The following ZZEF1 variants were observed in gnomAD, a reference collection of about 807,000 sequenced individuals.
ZZEF1 encodes the protein zinc finger ZZ-type and EF-hand domain containing 1, also known as zinc finger ZZ-type and EF-hand domain-containing protein 1.
Under a neutral mutation model 342.8 loss-of-function variants are expected in ZZEF1, and 157 were observed. The ratio of observed to expected loss-of-function variants is 0.46; its 90% confidence interval spans 0.40 to 0.52. The LOEUF is 0.52. Among genes scored for constraint, ZZEF1 ranks in the 20% least tolerant of loss-of-function variants. ZZEF1 has a pLI of 0.00. For missense variants in ZZEF1, 3,480 were observed against 3,725.6 expected (o/e 0.93, Z 1.72); for synonymous variants, 1,505 against 1,429.1 (o/e 1.05, Z -1.20).
chr17:4,057,943 G>A lies in ZZEF1; in HGVS notation c.5165+51C>T, dbSNP rs146972722. The stretch of plus-strand genomic sequence containing the variant: ...TCTTAACGCCCCCACTATGTTCCTT[G>A]CGTTTCATAACCTACATTAGGAACT... On this transcript the variant is annotated intron_variant, in intron 32 of 54. Coordinates refer to ENST00000381638, the MANE Select transcript of ZZEF1 (RefSeq NM_015113.4). 3.4e-4 allele frequency: 542 copies of A among 1,571,838 alleles called. 4 individuals are homozygous for A. The African/African-American group carries it at 6.1e-3, about 18-fold the overall frequency.
Position 4,014,383 on chromosome 17 carries a change from C to A in ZZEF1, c.8278G>T (p.Gly2760Trp). 1 of 1,614,214 alleles carries A rather than the reference C, an allele frequency of 6.2e-7. No homozygotes were observed. Among genetic ancestry groups the A allele is most frequent in the Non-Finnish European group, 8.5e-7 (1 of 1,180,044 alleles). ...DFQQDRHSFSGSQQKWKDFEL... is the reference protein window; with the variant it reads ...DFQQDRHSFSWSQQKWKDFEL... ...AAATCTTTCCACTTCTGCTGAGACCCGCTGAAGCTGTGTCGGTCTTGCTGG... is the reference window on the plus strand; with the variant it reads ...AAATCTTTCCACTTCTGCTGAGACCAGCTGAAGCTGTGTCGGTCTTGCTGG... Residue 2760 changes from glycine to tryptophan, a missense_variant, in exon 50 of 55, where the codon GGG (glycine) becomes TGG (tryptophan). By Grantham distance (184) the Gly-to-Trp change is radical. Transcript: ENST00000381638. This position sits in a 1 kb window ranked among gnomAD's most constrained non-coding sequence, Gnocchi z 4.4.
chr17:4,066,334 C>T, intron 28 of ZZEF1, 113 bp downstream of exon 28: 1 of 871,068 alleles, frequency 1.1e-6, no homozygotes, highest in South Asian at 1.5e-5. Context: ...TGTTACTTTC[C>T]CTAGGTCAAC....
At chr17:4,140,397 C>T (rs538016070) in intron 1 of ZZEF1, among the ~76,000 whole-genome samples, 2 of 152,314 alleles carry the variant, frequency 1.3e-5, no homozygotes, top group South Asian at 4.1e-4. Flanking sequence ...GTAAGTCTTG[C>T]TTGAGCCCCA....
In ZZEF1 at chr17:4,008,997, C is replaced by T. The variant is rs951795652; in HGVS notation, c.8734-43G>A. 4.2e-5 allele frequency: 65 copies of T among 1,534,096 alleles called. No homozygotes were observed. The highest frequency in any genetic ancestry group is 5.2e-5 in the Non-Finnish European group (59 of 1,144,734). ...GGGCTGTGAGTGACAGCGCCAGATG[C>T]GCAGTGCAGCTCTCCCAGACCACCT... On this transcript the variant is annotated intron_variant, in intron 53 of 54. Coordinates refer to ENST00000381638, the MANE Select transcript of ZZEF1 (RefSeq NM_015113.4). The surrounding 1 kb of genome is among the most constrained non-coding windows in gnomAD (Gnocchi z 4.2).
intron 39 of ZZEF1, among the ~76,000 whole-genome samples, chr17:4,037,565 C>A (rs2056700792): frequency 6.6e-6 from 1 of 152,136 alleles, no homozygotes; most frequent in Non-Finnish European, 1.5e-5. Flanking sequence ...CAAACTGCTA[C>A]ACGTTCATTC....
At chr17:4,112,302 C>T (rs547154011) in intron 5 of ZZEF1, among the ~76,000 whole-genome samples, 15 of 150,916 alleles carry the variant, frequency 9.9e-5, no homozygotes, top group African/African-American at 2.7e-4. Flanking sequence ...CCCACCCCCA[C>T]GCCTGGATAA....
In ZZEF1 at chr17:4,023,201, C is replaced by T. The variant is rs577782309; in HGVS notation, c.7093-373G>A. On this transcript the variant is annotated intron_variant, in intron 43 of 54. Coordinates refer to ENST00000381638, the MANE Select transcript of ZZEF1 (RefSeq NM_015113.4). Reference sequence around the variant, plus strand: ...ACTCACTCCGCGTGTAATGCTCTGTCCAGTTTTCCCAAAGCTGACTCCTTA... The same window carrying T: ...ACTCACTCCGCGTGTAATGCTCTGTTCAGTTTTCCCAAAGCTGACTCCTTA... 5.5e-4 allele frequency among the ~76,000 whole-genome samples: 83 copies of T among 152,258 alleles called. 1 individual carries two copies. The highest frequency in any genetic ancestry group is 2.0e-3 in the African/African-American group (82 of 41,542).
chr17:4,052,495 C>A (rs2057070774), intron 34 of ZZEF1, among the ~76,000 whole-genome samples: 1 of 152,272 alleles, frequency 6.6e-6, no homozygotes, highest in East Asian at 1.9e-4. Flanking sequence ...GAGGACTGAT[C>A]AGGATATTTG....
chr17:4,112,468 A>T, intron 5 of ZZEF1, 141 bp downstream of exon 5: 1 of 908,614 alleles, frequency 1.1e-6, no homozygotes, highest in South Asian at 1.5e-5. Flanking sequence ...TTTCTACAAC[A>T]CTTAATGAAT....
chr17:4,024,417 T>G (rs571650921), intron 43 of ZZEF1, among the ~76,000 whole-genome samples: 1 of 152,196 alleles, frequency 6.6e-6, no homozygotes, highest in African/African-American at 2.4e-5. Flanking sequence ...CAGGCTGGTC[T>G]TGAACTCCTG....
chr17:4,127,406 A>G (rs1442652261), intron 1 of ZZEF1, among the ~76,000 whole-genome samples: 1 of 152,240 alleles, frequency 6.6e-6, no homozygotes, highest in Non-Finnish European at 1.5e-5. Flanking sequence ...GTAGAGATAC[A>G]TAATGAAATA....
In ZZEF1 at chr17:4,047,753, T is replaced by C. The variant is rs148030103; in HGVS notation, c.6015+1955A>G. On this transcript the variant is annotated intron_variant, in intron 37 of 54. Transcript: ENST00000381638. Reference sequence around the variant, plus strand: ...GTCAGAAGATCGAGACCAACCTGGCTAACATGGTGAAACCCGTCTCTACTA... The same window carrying C: ...GTCAGAAGATCGAGACCAACCTGGCCAACATGGTGAAACCCGTCTCTACTA... Among the ~76,000 whole-genome samples the C allele has an allele frequency of 4.9e-3, 735 of 151,124 alleles. 6 individuals are homozygous for C. The highest frequency in any genetic ancestry group is 0.017 in the African/African-American group (714 of 41,166).
At chr17:4,049,925 C>T (rs2057009488) in intron 36 of ZZEF1, 66 bp from the exon 37 acceptor site, 7 of 1,561,886 alleles carry the variant, frequency 4.5e-6, no homozygotes, top group African/African-American at 1.4e-5. Flanking sequence ...CAGCAAGTGC[C>T]ATAAGTTACT....
At chr17:4,126,828 A>G (rs1236497685) in intron 1 of ZZEF1, among the ~76,000 whole-genome samples, 1 of 152,122 alleles carries the variant, frequency 6.6e-6, no homozygotes, top group Non-Finnish European at 1.5e-5. Flanking sequence ...TTAGCTGGGC[A>G]TCATGGCACA....
intron 19 of ZZEF1, 51 bp from the exon 20 acceptor site, chr17:4,077,040 T>G (rs1435033866): frequency 6.7e-7 from 1 of 1,501,810 alleles, no homozygotes; most frequent in Non-Finnish European, 8.9e-7. Flanking sequence ...AAATGTCACA[T>G]GCTTGGTTAT....
chr17:4,019,379 CAT>C (rs779995043), intron 46 of ZZEF1, among the ~76,000 whole-genome samples: 5 of 152,192 alleles, frequency 3.3e-5, no homozygotes, highest in African/African-American at 9.7e-5. Context: ...TGGGATTACA[CAT>C]GAGAGACATC....
chr17:4,086,402 G>A lies in ZZEF1; in HGVS notation c.2512+84C>T, dbSNP rs557899913. On this transcript the variant is annotated intron_variant, in intron 15 of 54. Transcript: ENST00000381638. The stretch of plus-strand genomic sequence containing the variant: ...CAATCCCTTTCTGGCTCGCATCATC[G>A]TAGGACAGCCCTCTTCTCTATAGCA... The A allele has an allele frequency of 1.3e-5, 18 of 1,431,512 alleles. No individual in the cohort carries two copies. In the African/African-American group the frequency reaches 1.3e-4, roughly 10 times the overall value. The allele number at this position is 1,431,512 out of a possible 1,614,324, so 88.7% of individuals were successfully genotyped here.
In ZZEF1 at chr17:4,076,621, T is replaced by C; in HGVS notation, c.3234+16A>G. The C allele has an allele frequency of 6.2e-7, 1 of 1,601,752 alleles. No homozygotes were observed. The highest frequency in any genetic ancestry group is 8.5e-7 in the Non-Finnish European group (1 of 1,173,158). On this transcript the variant is annotated intron_variant, in intron 21 of 54. Coordinates refer to ENST00000381638, the MANE Select transcript of ZZEF1 (RefSeq NM_015113.4). ...GAGAGAGAACACGGGGCGGCTCAAG[T>C]GCTGACTCGAGTTACCTTCCTCAGT...
At chr17:4,104,419 G>A (rs1482062464) in intron 8 of ZZEF1, among the ~76,000 whole-genome samples, 1 of 152,134 alleles carries the variant, frequency 6.6e-6, no homozygotes, top group African/African-American at 2.4e-5. Flanking sequence ...CTCTTCTGGT[G>A]ATACTGCCAT....
Sources: gnomAD v4.1 joint callset for allele counts (sites outside exome capture counted in the v4.1 genomes callset) on GRCh38, gnomAD v4.1.1 for gene constraint, Gnocchi (gnomAD v3.1) non-coding constraint, MANE v1.5 for transcripts, NCBI Gene and HGNC (gene_info 2026-07-23, HGNC 2026-07-21) for gene names.